The following RABGAP1L variants were observed in gnomAD, a reference collection of about 807,000 sequenced individuals.
RABGAP1L encodes the protein RAB GTPase activating protein 1 like.
RABGAP1L carries 63 observed loss-of-function variants against 137.7 expected under a neutral mutation model. That is an observed-to-expected ratio of 0.46 (90% CI 0.37 to 0.56). RABGAP1L has a LOEUF of 0.56. Among genes scored for constraint, RABGAP1L ranks in the 20% least tolerant of loss-of-function variants. RABGAP1L has a pLI of 0.00. For synonymous variants in RABGAP1L, 431 were observed against 433.7 expected, an observed-to-expected ratio of 0.99 and a Z score of 0.08; for missense variants, 1,095 against 1,244.0, an observed-to-expected ratio of 0.88 and a Z score of 1.80.
chr1:174,714,767 A>G (rs1680864185), intron 17 of RABGAP1L, among the ~76,000 whole-genome samples: 2 of 152,122 alleles, frequency 1.3e-5, no homozygotes, highest in Admixed American at 6.6e-5. Flanking sequence ...ATCAATCTCT[A>G]TGAATCAGAT....
At chr1:174,264,184 A>C (rs1673842594) in intron 7 of RABGAP1L, among the ~76,000 whole-genome samples, 1 of 152,004 alleles carries the variant, frequency 6.6e-6, no homozygotes, top group Non-Finnish European at 1.5e-5. Flanking sequence ...TATTTTAATA[A>C]ATTTACTCAT....
chr1:174,521,500 C>A (rs1481485003), intron 13 of RABGAP1L, among the ~76,000 whole-genome samples: 1 of 152,172 alleles, frequency 6.6e-6, no homozygotes, highest in Non-Finnish European at 1.5e-5. Flanking sequence ...GCAAAAAGGA[C>A]TTCTGGTTAG....
intron 11 of RABGAP1L, among the ~76,000 whole-genome samples, chr1:174,336,646 C>G (rs1305804419): frequency 6.6e-6 from 1 of 152,134 alleles, no homozygotes; most frequent in African/African-American, 2.4e-5. Flanking sequence ...TAAAAAATGT[C>G]TGGATACCAC....
At chr1:174,452,193 A>G (rs955151841) in intron 13 of RABGAP1L, among the ~76,000 whole-genome samples, 9 of 152,176 alleles carry the variant, frequency 5.9e-5, no homozygotes, top group African/African-American at 2.2e-4. Context: ...TGTGGTAATT[A>G]TCCAGTTTGG....
In RABGAP1L at chr1:174,275,896, G is replaced by GCAC. The variant is rs1674958436; in HGVS notation, c.1120_1122dup (p.Pro374dup). 1 of 1,612,834 alleles carries GCAC rather than the reference G, an allele frequency of 6.2e-7. No homozygotes were observed. Among genetic ancestry groups the GCAC allele is most frequent in the African/African-American group, 1.3e-5 (1 of 74,818 alleles). On this transcript the variant is annotated inframe_insertion, in exon 9 of 26. Coordinates refer to ENST00000681986, the MANE Select transcript of RABGAP1L (RefSeq NM_001366446.1). ...CATCACTGGCATGTGGAACCCCAAT[G>GCAC]CACCAGTATTTCTGGCACTTAACGA...
intron 13 of RABGAP1L, among the ~76,000 whole-genome samples, chr1:174,599,422 A>G (rs1056705351): frequency 6.6e-6 from 1 of 152,178 alleles, no homozygotes. Context: ...TGTACTTCCT[A>G]TTAGCAGTGA....
At chr1:174,252,269 A>C (rs1299867197) in intron 6 of RABGAP1L, among the ~76,000 whole-genome samples, 1 of 152,210 alleles carries the variant, frequency 6.6e-6, no homozygotes. Context: ...AACTCAATTT[A>C]GAAATTAATA....
intron 13 of RABGAP1L, among the ~76,000 whole-genome samples, chr1:174,588,011 G>A (rs116402691): frequency 0.015 from 2,338 of 152,118 alleles, 42 homozygotes; most frequent in African/African-American, 0.054. Flanking sequence ...CTACAGGCGT[G>A]CACAACCAGG....
chr1:174,233,240 GTAAGA>G (rs1351472147), intron 4 of RABGAP1L, among the ~76,000 whole-genome samples: 1 of 151,108 alleles, frequency 6.6e-6, no homozygotes, highest in Non-Finnish European at 1.5e-5. Context: ...GTGTATGTGT[GTAAGA>G]TGTGCAAGAA....
chr1:174,245,477 A>G (rs973222150), intron 5 of RABGAP1L: 2 of 152,280 alleles, frequency 1.3e-5, no homozygotes, highest in South Asian at 2.1e-4. Flanking sequence ...CCTTAAATCA[A>G]TTGATTTTTA....
intron 13 of RABGAP1L, among the ~76,000 whole-genome samples, chr1:174,610,143 G>C (rs1671090527): frequency 6.7e-6 from 1 of 150,326 alleles, no homozygotes; most frequent in African/African-American, 2.4e-5. Context: ...CCATGCTGGT[G>C]TGCTGCACCC....
intron 13 of RABGAP1L, among the ~76,000 whole-genome samples, chr1:174,414,129 G>A (rs1413579640): frequency 6.6e-6 from 1 of 151,894 alleles, no homozygotes; most frequent in Admixed American, 6.6e-5. Flanking sequence ...CAGACTAGTA[G>A]CTACATATAT....
intron 13 of RABGAP1L, among the ~76,000 whole-genome samples, chr1:174,582,769 G>T (rs1212307323): frequency 7.2e-5 from 11 of 152,130 alleles, no homozygotes; most frequent in Admixed American, 7.2e-4. Context: ...GATATTGTTA[G>T]GTTTATAAAA....
chr1:174,455,469 T>C (rs1655937206), intron 13 of RABGAP1L, among the ~76,000 whole-genome samples: 1 of 152,126 alleles, frequency 6.6e-6, no homozygotes, highest in Non-Finnish European at 1.5e-5. Context: ...ACCTGTTCTT[T>C]AAATTTTTAA....
intron 1 of RABGAP1L, among the ~76,000 whole-genome samples, chr1:174,214,528 A>AAAGACCCAG (rs1669137208): frequency 6.6e-6 from 1 of 152,246 alleles, no homozygotes; most frequent in Admixed American, 6.5e-5. Context: ...AGAATAGCCA[A>AAAGACCCAG]AACTATCCTA....
At position 174,623,932 on chromosome 1, in the gene RABGAP1L, C is replaced by T. The variant is rs116363582; in HGVS notation, c.1711-13443C>T. On this transcript the variant is annotated intron_variant, in intron 13 of 25. Transcript: ENST00000681986. ...ATTTTTCACTACACTCTATGTCATT[C>T]AGATAGTAAAAGCAGATGAAACCAA... 3.7e-3 allele frequency among the ~76,000 whole-genome samples: 568 copies of T among 152,258 alleles called. 5 individuals carry two copies. Among genetic ancestry groups the T allele is most frequent in the African/African-American group, 0.012 (488 of 41,560 alleles).
chr1:174,364,324 G>A (rs12073068), intron 11 of RABGAP1L, among the ~76,000 whole-genome samples: 39,982 of 132,956 alleles, frequency 0.3, 6,536 homozygotes, highest in African/African-American at 0.45. Context: ...GCGGGATCTC[G>A]GCTCACTGCA....
intron 13 of RABGAP1L, among the ~76,000 whole-genome samples, chr1:174,565,221 G>A (rs934189478): frequency 1.3e-5 from 2 of 152,034 alleles, no homozygotes; most frequent in Non-Finnish European, 2.9e-5. Context: ...AAAAGAGCTG[G>A]GGCTGGAATC....
At chr1:174,971,348 T>C (rs1670113254) in intron 21 of RABGAP1L, among the ~76,000 whole-genome samples, 1 of 151,972 alleles carries the variant, frequency 6.6e-6, no homozygotes, top group South Asian at 2.1e-4. Context: ...AGAGAACCCT[T>C]TATGTGAGTC....
Sources: gnomAD v4.1 joint callset for allele counts (sites outside exome capture counted in the v4.1 genomes callset) on GRCh38, gnomAD v4.1.1 for gene constraint, MANE v1.5 for transcripts, NCBI Gene and HGNC (gene_info 2026-07-23, HGNC 2026-07-21) for gene names.